DTNBP1: variants seen among roughly 807,000 people sequenced by gnomAD.
DTNBP1 encodes dystrobrevin binding protein 1.
Under a neutral mutation model 42.8 loss-of-function variants are expected in DTNBP1, and 35 were observed. That is an observed-to-expected ratio of 0.82 (90% confidence interval 0.63 to 1.09). The LOEUF (loss-of-function observed/expected upper bound fraction) is 1.09. Ranked by LOEUF, DTNBP1 falls within the 50% of genes least tolerant of loss-of-function variation. DTNBP1 has a pLI of 0.00. For missense variants in DTNBP1, 457 were observed against 424.2 expected (o/e 1.08, Z -0.68); for synonymous variants, 171 against 162.2 (o/e 1.05, Z -0.41).
intron 4 of DTNBP1, among the ~76,000 whole-genome samples, chr6:15,632,695 T>C (rs1411527797): frequency 6.6e-6 from 1 of 152,264 alleles, no homozygotes; most frequent in East Asian, 1.9e-4. Flanking sequence ...TGAATAGGTA[T>C]TTAATTTTAT....
At chr6:15,525,773 G>T (rs1772340923) in intron 8 of DTNBP1, among the ~76,000 whole-genome samples, 1 of 152,150 alleles carries the variant, frequency 6.6e-6, no homozygotes, top group Non-Finnish European at 1.5e-5. Flanking sequence ...AGCATAAAAG[G>T]TACGAAAGAT....
In DTNBP1 at chr6:15,587,878, C is replaced by T. The variant is rs375277911; in HGVS notation, c.511+5181G>A. 6.0e-4 allele frequency among the ~76,000 whole-genome samples: 91 copies of T among 152,312 alleles called. No individual in the cohort carries two copies. The highest frequency in any genetic ancestry group is 2.1e-3 in the African/African-American group (87 of 41,564). On this transcript the variant is annotated intron_variant, in intron 7 of 9. Transcript: ENST00000344537. The surrounding 1 kb of genome is among the most constrained non-coding windows in gnomAD (Gnocchi z 4.1). Reference sequence around the variant, plus strand: ...ATGAGGAGAAACTGCAGCCCTCACACACTGCTGATAGGAACGTAAAATGGT... The same window carrying T: ...ATGAGGAGAAACTGCAGCCCTCACATACTGCTGATAGGAACGTAAAATGGT...
At chr6:15,551,735 T>C (rs996058265) in intron 7 of DTNBP1, among the ~76,000 whole-genome samples, 1 of 152,202 alleles carries the variant, frequency 6.6e-6, no homozygotes, top group African/African-American at 2.4e-5. Context: ...TCTTTCAACA[T>C]GGAAGCTTTA....
At chr6:15,659,848 A>G (rs1275189758) in intron 1 of DTNBP1, among the ~76,000 whole-genome samples, 1 of 151,892 alleles carries the variant, frequency 6.6e-6, no homozygotes, top group African/African-American at 2.4e-5. Flanking sequence ...CACCGCACCC[A>G]GCCAAAAGAT....
At chr6:15,539,427 T>C (rs1581280132) in intron 7 of DTNBP1, among the ~76,000 whole-genome samples, 1 of 152,326 alleles carries the variant, frequency 6.6e-6, no homozygotes, top group Middle Eastern at 3.4e-3. Flanking sequence ...GGCACAGCCC[T>C]CTGGTCTACC....
intron 7 of DTNBP1, among the ~76,000 whole-genome samples, chr6:15,582,204 C>G (rs927153397): frequency 1.3e-5 from 2 of 152,158 alleles, no homozygotes; most frequent in Non-Finnish European, 1.5e-5. Flanking sequence ...TATGGAAACT[C>G]AAAACTTGTC....
intron 6 of DTNBP1, among the ~76,000 whole-genome samples, chr6:15,609,445 G>C (rs1758270138): frequency 1.3e-5 from 2 of 151,828 alleles, no homozygotes; most frequent in African/African-American, 2.4e-5. Flanking sequence ...TCAGCCTCCT[G>C]AGTAGCTGGG....
At chr6:15,565,332 G>A (rs982727191) in intron 7 of DTNBP1, among the ~76,000 whole-genome samples, 2 of 152,126 alleles carry the variant, frequency 1.3e-5, no homozygotes, top group South Asian at 4.1e-4. Flanking sequence ...CCTCTCCTAG[G>A]AATCTACGCA....
intron 3 of DTNBP1, among the ~76,000 whole-genome samples, chr6:15,649,166 T>C (rs2113802005): frequency 6.6e-6 from 1 of 152,202 alleles, no homozygotes; most frequent in East Asian, 1.9e-4. Flanking sequence ...GCTGGGTATA[T>C]ACCCAAAGGA....
At chr6:15,616,271 C>T (rs777908479) in intron 5 of DTNBP1, among the ~76,000 whole-genome samples, 1 of 152,110 alleles carries the variant, frequency 6.6e-6, no homozygotes, top group Non-Finnish European at 1.5e-5. Context: ...GAAAAGCTTT[C>T]GAGGTCAAAG....
At chr6:15,644,631 T>A (rs956074006) in intron 3 of DTNBP1, among the ~76,000 whole-genome samples, 1 of 152,060 alleles carries the variant, frequency 6.6e-6, no homozygotes, top group East Asian at 1.9e-4. Context: ...AGAGGAACCC[T>A]AAGAATCACA....
intron 8 of DTNBP1, among the ~76,000 whole-genome samples, chr6:15,531,295 T>C (rs1772804772): frequency 6.6e-6 from 1 of 152,116 alleles, no homozygotes; most frequent in Non-Finnish European, 1.5e-5. Flanking sequence ...CTTAACAGGA[T>C]AAAAATCCCT....
intron 3 of DTNBP1, among the ~76,000 whole-genome samples, chr6:15,647,267 C>T (rs1581433019): frequency 6.6e-6 from 1 of 151,984 alleles, no homozygotes; most frequent in African/African-American, 2.4e-5. Flanking sequence ...CACTAATCAT[C>T]AGAGCAATGC....
chr6:15,541,905 C>A lies in DTNBP1; in HGVS notation c.512-8510G>T, dbSNP rs546534708. On this transcript the variant is annotated intron_variant, in intron 7 of 9. Transcript: ENST00000344537. The stretch of plus-strand genomic sequence containing the variant: ...ATAAATATAGTGAGGTGTTAATGAC[C>A]GAAAAAGGCCCCCAAACCTCTGGGA... Among the ~76,000 whole-genome samples, 3 of 151,758 alleles carry A rather than the reference C, an allele frequency of 2.0e-5. No homozygotes were observed. In the South Asian group the frequency reaches 6.3e-4, roughly 32 times the overall value.
intron 4 of DTNBP1, among the ~76,000 whole-genome samples, chr6:15,629,801 A>G (rs989137121): frequency 6.6e-6 from 1 of 152,202 alleles, no homozygotes; most frequent in Admixed American, 6.5e-5. Flanking sequence ...CAGTGGACTT[A>G]GATTCCATCC....
intron 5 of DTNBP1, among the ~76,000 whole-genome samples, chr6:15,624,752 T>C (rs1398329716): frequency 6.6e-6 from 1 of 152,194 alleles, no homozygotes; most frequent in Non-Finnish European, 1.5e-5. Flanking sequence ...TGCTTAACTA[T>C]TTAAGCTTTG....
At chr6:15,575,899 T>C (rs547022737) in intron 7 of DTNBP1, among the ~76,000 whole-genome samples, 63 of 152,272 alleles carry the variant, frequency 4.1e-4, no homozygotes, top group African/African-American at 1.3e-3. Flanking sequence ...AGGGTCAGTG[T>C]GCACAAAAGC....
intron 7 of DTNBP1, among the ~76,000 whole-genome samples, chr6:15,585,525 G>A (rs527238327): frequency 6.6e-6 from 1 of 151,344 alleles, no homozygotes; most frequent in African/African-American, 2.4e-5. Flanking sequence ...ATTACTTGTT[G>A]GTAATAGAAA....
At chr6:15,581,362 T>C (rs1314859191) in intron 7 of DTNBP1, among the ~76,000 whole-genome samples, 1 of 151,800 alleles carries the variant, frequency 6.6e-6, no homozygotes, top group Non-Finnish European at 1.5e-5. Flanking sequence ...GTATTTTTAG[T>C]AGAGACAGGG....
Sources: allele counts gnomAD v4.1 joint callset (sites outside exome capture counted in the v4.1 genomes callset), GRCh38; gene constraint gnomAD v4.1.1; non-coding constraint Gnocchi (gnomAD v3.1); transcripts MANE v1.5; gene names NCBI Gene and HGNC (gene_info 2026-07-23, HGNC 2026-07-21).